The following SEMA6D variants were observed in gnomAD, a reference collection of about 807,000 sequenced individuals.
The protein encoded by SEMA6D is semaphorin 6D.
Under a neutral mutation model 106.6 loss-of-function variants are expected in SEMA6D, and 35 were observed. That is an observed-to-expected ratio of 0.33 (90% confidence interval 0.25 to 0.44). The LOEUF is 0.44. Among genes scored for constraint, SEMA6D ranks in the 20% least tolerant of loss-of-function variants. The pLI, the probability that SEMA6D is intolerant of heterozygous loss-of-function variation, is 1.00. For synonymous variants in SEMA6D, 499 were observed against 487.7 expected (o/e 1.02, Z -0.31); for missense variants, 1,185 against 1,345.9 (o/e 0.88, Z 1.87).
chr15:47,291,749 G>A (rs1005136841), intron 1 of SEMA6D, among the ~76,000 whole-genome samples: 2 of 152,134 alleles, frequency 1.3e-5, no homozygotes, highest in Non-Finnish European at 2.9e-5. Flanking sequence ...ATTACAGAAA[G>A]TTATTTTTAT....
chr15:47,347,276 G>A (rs2038084809), intron 1 of SEMA6D, among the ~76,000 whole-genome samples: 1 of 152,108 alleles, frequency 6.6e-6, no homozygotes, highest in Non-Finnish European at 1.5e-5. Context: ...TTAGAGTGAT[G>A]GTAAAAATTA....
chr15:47,273,123 C>T (rs754380304), intron 1 of SEMA6D, among the ~76,000 whole-genome samples: 6 of 152,066 alleles, frequency 3.9e-5, no homozygotes, highest in Non-Finnish European at 7.4e-5. Context: ...GTGGCTACAC[C>T]ATTTGTTGTG....
At chr15:47,248,258 A>T (rs560692588) in intron 1 of SEMA6D, among the ~76,000 whole-genome samples, 17 of 152,220 alleles carry the variant, frequency 1.1e-4, no homozygotes, top group Non-Finnish European at 2.2e-4. Context: ...GAAGCAAAAA[A>T]ATTAAAAACT....
At chr15:47,753,656 C>G (rs1159655647) in intron 1 of SEMA6D, among the ~76,000 whole-genome samples, 1 of 152,166 alleles carries the variant, frequency 6.6e-6, no homozygotes, top group Non-Finnish European at 1.5e-5. Context: ...CTGAAGTCTC[C>G]ATATGGAACC....
Position 47,230,238 on chromosome 15 carries a change from ACACTCT to A in SEMA6D, c.-239+45823_-239+45828del, listed in dbSNP as rs1224683540. ...TCCAGTTTTTGCCTGTGTAATCCTCACACTCTCATTTAATAAAATTTATTGTAACAT... is the reference window on the plus strand; with the variant it reads ...TCCAGTTTTTGCCTGTGTAATCCTCACATTTAATAAAATTTATTGTAACAT... On this transcript the variant is annotated intron_variant, in intron 1 of 19. Transcript: ENST00000558014. 2.6e-5 allele frequency among the ~76,000 whole-genome samples: 4 copies of A among 152,194 alleles called. No individual in the cohort carries two copies. The East Asian group carries it at 7.7e-4, about 29-fold the overall frequency.
In SEMA6D at chr15:47,194,370, G is replaced by T. The variant is rs538419662; in HGVS notation, c.-239+9952G>T. On this transcript the variant is annotated intron_variant, in intron 1 of 19. Coordinates refer to the SEMA6D transcript ENST00000558014. ...TTGAAAGAGTTAGAGAGTTTGAGAG[G>T]GAGAGTGGGGAGGTAAGTGGACTGG... 3.3e-5 allele frequency among the ~76,000 whole-genome samples: 5 copies of T among 152,172 alleles called. No individual in the cohort carries two copies. In the East Asian group the frequency reaches 9.7e-4, roughly 29 times the overall value.
chr15:47,423,558 T>C (rs529164064), intron 2 of SEMA6D, among the ~76,000 whole-genome samples: 6 of 152,236 alleles, frequency 3.9e-5, no homozygotes, highest in African/African-American at 1.4e-4. Context: ...ATTCAACCTT[T>C]AGATGACATA....
intron 1 of SEMA6D, among the ~76,000 whole-genome samples, chr15:47,276,085 G>T (rs975196492): frequency 6.6e-6 from 1 of 152,138 alleles, no homozygotes; most frequent in African/African-American, 2.4e-5. Flanking sequence ...TTCTATGAAG[G>T]CTGAGAGAGG....
upstream of SEMA6D, among the ~76,000 whole-genome samples, chr15:47,714,339 GATA>G (rs139857492): frequency 2.0e-5 from 3 of 152,002 alleles, no homozygotes; most frequent in Admixed American, 6.6e-5. Context: ...CTATAAAAAT[GATA>G]ATAATAATAA....
At chr15:47,399,946 G>A (rs539235199) in intron 1 of SEMA6D, among the ~76,000 whole-genome samples, 1 of 152,280 alleles carries the variant, frequency 6.6e-6, no homozygotes, top group South Asian at 2.1e-4. Context: ...AAGTGTTGTT[G>A]GATCCTAAAT....
intron 2 of SEMA6D, among the ~76,000 whole-genome samples, chr15:47,469,258 C>T (rs570930095): frequency 1.1e-3 from 165 of 151,784 alleles, no homozygotes; most frequent in South Asian, 4.4e-3. Context: ...CAACCAGGGG[C>T]GGATTTCCTG....
At chr15:47,317,982 A>G (rs922466915) in intron 1 of SEMA6D, among the ~76,000 whole-genome samples, 2 of 130,042 alleles carry the variant, frequency 1.5e-5, no homozygotes, top group African/African-American at 5.4e-5. Flanking sequence ...TGGCATTCCC[A>G]CTTTCTGCTT....
rs183054305 is a variant in SEMA6D at position 47,414,926 on chromosome 15, A to G, written c.-159+2454A>G. Reference sequence around the variant, plus strand: ...TCTAAGATTTTAAATAGTCTCTTAAATGGCAGGCCTTAGTTTTTAATTTGT... The same window carrying G: ...TCTAAGATTTTAAATAGTCTCTTAAGTGGCAGGCCTTAGTTTTTAATTTGT... On this transcript the variant is annotated intron_variant, in intron 2 of 19. Coordinates refer to the SEMA6D transcript ENST00000558014. Among the ~76,000 whole-genome samples, 518 of 152,306 alleles carry G rather than the reference A, an allele frequency of 3.4e-3. 4 individuals carry two copies. The highest frequency in any genetic ancestry group is 4.5e-3 in the Non-Finnish European group (303 of 68,024).
chr15:47,754,597 T>C (rs1388045817), intron 1 of SEMA6D, among the ~76,000 whole-genome samples: 4 of 152,232 alleles, frequency 2.6e-5, no homozygotes, highest in African/African-American at 4.8e-5. Flanking sequence ...GCATTTTTAC[T>C]ATGATGTGTC....
intron 1 of SEMA6D, among the ~76,000 whole-genome samples, chr15:47,302,712 G>A (rs1122512): frequency 0.022 from 3,389 of 152,306 alleles, 121 homozygotes; most frequent in African/African-American, 0.077. Flanking sequence ...CAGATTTGAA[G>A]ATGAAGGAAG....
intron 1 of SEMA6D, among the ~76,000 whole-genome samples, chr15:47,327,681 T>C (rs1014524903): frequency 1.3e-5 from 2 of 152,204 alleles, no homozygotes; most frequent in Non-Finnish European, 1.5e-5. Context: ...TGAGAACTCC[T>C]TTCCTCATTA....
intron 4 of SEMA6D, among the ~76,000 whole-genome samples, chr15:47,667,523 G>T (rs1259193232): frequency 1.3e-5 from 2 of 152,198 alleles, no homozygotes; most frequent in African/African-American, 4.8e-5. Context: ...CAGTGTTTTA[G>T]TCTGATCGGG....
intron 1 of SEMA6D, among the ~76,000 whole-genome samples, chr15:47,751,793 T>C (rs2081452089): frequency 6.6e-6 from 1 of 152,138 alleles, no homozygotes; most frequent in Admixed American, 6.5e-5. Context: ...TTATTCACAG[T>C]TGATTTACAG....
chr15:47,674,008 C>T (rs879257502), intron 4 of SEMA6D, among the ~76,000 whole-genome samples: 1 of 152,096 alleles, frequency 6.6e-6, no homozygotes, highest in African/African-American at 2.4e-5. Flanking sequence ...TTCCTTTTGG[C>T]GGGTTTGTCT....
Sources: gnomAD v4.1 joint callset for allele counts (sites outside exome capture counted in the v4.1 genomes callset) on GRCh38, gnomAD v4.1.1 for gene constraint, MANE v1.5 for transcripts, NCBI Gene and HGNC (gene_info 2026-07-23, HGNC 2026-07-21) for gene names.